MYOF: variants seen among roughly 807,000 people sequenced by gnomAD.
The protein encoded by MYOF is fer-1-like 3, myoferlin.
A neutral mutation model predicts 284.2 loss-of-function variants in MYOF; 244 were observed. The observed-to-expected ratio is 0.86, with a 90% CI of 0.77 to 0.95. MYOF has a LOEUF of 0.95. Ranked by LOEUF, MYOF falls within the 40% of genes least tolerant of loss-of-function variation. The pLI, the probability that MYOF is intolerant of heterozygous loss-of-function variation, is 0.00. For synonymous variants in MYOF, 904 were observed against 919.7 expected (o/e 0.98, Z 0.31); for missense variants, 2,496 against 2,560.6 (o/e 0.97, Z 0.54).
chr10:93,411,055 T>C (rs1847880177), intron 5 of MYOF, among the ~76,000 whole-genome samples: 2 of 152,242 alleles, frequency 1.3e-5, no homozygotes, highest in South Asian at 4.1e-4. Flanking sequence ...AGGGTTACTG[T>C]AAAGGTGTAA....
chr10:93,361,562 C>T lies in MYOF; in HGVS notation c.2869-5G>A. On this transcript the variant is annotated splice_polypyrimidine_tract_variant and splice_region_variant and intron_variant, in intron 27 of 53. Transcript: ENST00000359263. ...TGATGCTGCTTTATCGCCGTTCTTA[C>T]AAAACAAAAATAAAAACAAAGAAGA... 1 of 1,613,830 alleles carries T rather than the reference C, an allele frequency of 6.2e-7. No homozygotes were observed. The highest frequency in any genetic ancestry group is 8.5e-7 in the Non-Finnish European group (1 of 1,179,894).
intron 1 of MYOF, among the ~76,000 whole-genome samples, chr10:93,458,727 C>A (rs964270493): frequency 6.6e-6 from 1 of 152,124 alleles, no homozygotes; most frequent in Non-Finnish European, 1.5e-5. Flanking sequence ...GAGACTCAGT[C>A]TCAAAACAAA....
intron 41 of MYOF, among the ~76,000 whole-genome samples, chr10:93,334,677 A>C (rs942982824): frequency 6.6e-6 from 1 of 152,158 alleles, no homozygotes; most frequent in South Asian, 2.1e-4. Flanking sequence ...AGGAGAAAGC[A>C]CTGAAGCCGG....
chr10:93,349,776 G>T (rs369483150), intron 36 of MYOF, 32 bp downstream of exon 36: 4 of 1,610,548 alleles, frequency 2.5e-6, no homozygotes, highest in Non-Finnish European at 2.5e-6. Flanking sequence ...ATTTCAACGC[G>T]CATGGGTGAT....
intron 11 of MYOF, 130 bp from the exon 12 acceptor site, chr10:93,401,674 G>C: frequency 8.3e-7 from 1 of 1,211,124 alleles, no homozygotes; most frequent in Non-Finnish European, 1.1e-6. Flanking sequence ...GGGCTTAAGA[G>C]TTCAGCCTGC....
intron 23 of MYOF, 65 bp downstream of exon 23, chr10:93,374,698 T>C (rs1330156611): frequency 6.7e-7 from 1 of 1,497,720 alleles, no homozygotes; most frequent in Non-Finnish European, 9.1e-7. Flanking sequence ...CATCCTATTC[T>C]TGGTGCCATT....
intron 1 of MYOF, among the ~76,000 whole-genome samples, chr10:93,465,596 C>A (rs925315814): frequency 8.0e-5 from 11 of 138,156 alleles, no homozygotes; most frequent in Admixed American, 1.6e-4. Flanking sequence ...CTCACTGCAA[C>A]CTCCACCTCC....
chr10:93,359,807 C>G (rs760987519), intron 29 of MYOF, 26 bp downstream of exon 29: 2 of 1,613,454 alleles, frequency 1.2e-6, no homozygotes, highest in Admixed American at 3.3e-5. Context: ...CTCCCCAGTC[C>G]AGCTCCCTTC....
chr10:93,438,964 T>G (rs2056159996), intron 3 of MYOF, among the ~76,000 whole-genome samples: 1 of 152,136 alleles, frequency 6.6e-6, no homozygotes, highest in Non-Finnish European at 1.5e-5. Context: ...GTGTGGCTTT[T>G]TAAAAGGTAG....
chr10:93,475,674 G>A (rs538623505), intron 1 of MYOF, among the ~76,000 whole-genome samples: 16 of 152,288 alleles, frequency 1.1e-4, no homozygotes, highest in Non-Finnish European at 1.9e-4. Context: ...TGTGCTGGGT[G>A]TTGCAGAGGA....
At chr10:93,418,130 A>G (rs1276405201) in intron 5 of MYOF, among the ~76,000 whole-genome samples, 1 of 152,158 alleles carries the variant, frequency 6.6e-6, no homozygotes, top group Non-Finnish European at 1.5e-5. Context: ...TCTGCTTTTC[A>G]AGATGAAGTC....
At chr10:93,331,914 T>C (rs1843325926) in intron 43 of MYOF, among the ~76,000 whole-genome samples, 1 of 152,172 alleles carries the variant, frequency 6.6e-6, no homozygotes, top group Non-Finnish European at 1.5e-5. Flanking sequence ...AAAACATCAT[T>C]TTCACAAATG....
In MYOF at chr10:93,420,671, A is replaced by G. The variant is rs576465126; in HGVS notation, c.433+5400T>C. Among the ~76,000 whole-genome samples, 28 of 152,302 alleles carry G rather than the reference A, an allele frequency of 1.8e-4. No homozygotes were observed. The East Asian group carries it at 3.1e-3, about 17-fold the overall frequency. On this transcript the variant is annotated intron_variant, in intron 5 of 53. Coordinates refer to ENST00000359263, the MANE Select transcript of MYOF (RefSeq NM_013451.4). ...TAATTTCTCCTCTGCAGGAGCCACT[A>G]TGTGGAGAAGAACCTTTAAAATCAA...
At position 93,356,716 on chromosome 10, in the gene MYOF, T is replaced by A; in HGVS notation, c.3253A>T (p.Thr1085Ser). The change falls in exon 30 of 54, where the codon ACA becomes TCA. Residue 1085 changes from threonine to serine, a missense_variant. Thr to Ser is a moderately conservative substitution (Grantham distance 58). Transcript: ENST00000359263. ...RWRRKMAPSE[T>S]HGAAAIFKLE... Reference sequence around the variant, plus strand: ...TTAAAGATGGCAGCTGCACCATGTGTTTCTGAAGGAGCCATTTTTCTCCTC... The same window carrying A: ...TTAAAGATGGCAGCTGCACCATGTGATTCTGAAGGAGCCATTTTTCTCCTC... The A allele has an allele frequency of 6.2e-7, 1 of 1,614,140 alleles. No individual in the cohort carries two copies. The highest frequency in any genetic ancestry group is 1.1e-5 in the South Asian group (1 of 91,076).
chr10:93,411,026 AAAT>A, intron 5 of MYOF, among the ~76,000 whole-genome samples: 1 of 152,220 alleles, frequency 6.6e-6, no homozygotes, highest in East Asian at 1.9e-4. Context: ...AAAGAGGGGA[AAAT>A]AATAGTATTT....
chr10:93,346,863 C>T (rs1201057476), intron 37 of MYOF, among the ~76,000 whole-genome samples: 4 of 152,162 alleles, frequency 2.6e-5, no homozygotes, highest in African/African-American at 7.2e-5. Context: ...TAGAACAGCA[C>T]GTGGCAGTCA....
intron 3 of MYOF, among the ~76,000 whole-genome samples, chr10:93,433,793 C>T (rs567194197): frequency 7.9e-4 from 121 of 152,326 alleles, no homozygotes; most frequent in African/African-American, 2.8e-3. Flanking sequence ...CACATGGCAG[C>T]ATAGGCACAT....
At chr10:93,458,704 T>C (rs1351911830) in intron 1 of MYOF, among the ~76,000 whole-genome samples, 1 of 152,180 alleles carries the variant, frequency 6.6e-6, no homozygotes, top group East Asian at 1.9e-4. Flanking sequence ...CACTCCAGCC[T>C]AAAGGATAGA....
chr10:93,408,897 C>T lies in MYOF; in HGVS notation c.619G>A (p.Glu207Lys). 6.2e-7 allele frequency: 1 copy of T among 1,614,218 alleles called. No individual in the cohort carries two copies. Among genetic ancestry groups the T allele is most frequent in the Non-Finnish European group, 8.5e-7 (1 of 1,180,042 alleles). The change falls in exon 7 of 54, where the codon GAG becomes AAG. Residue 207 changes from glutamate to lysine, a missense_variant. By Grantham distance (56) the Glu-to-Lys change is moderately conservative (BLOSUM62 1). Coordinates refer to ENST00000359263, the MANE Select transcript of MYOF (RefSeq NM_013451.4). ...TTGTTACCACTTAACTGTCGGCCCT[C>T]AATCACTCGGACGCGGATCTGCAGC... The part of the protein sequence containing the change: ...QDFQIRVRVI[E>K]GRQLSGNNIR...
Sources: gnomAD v4.1 joint callset for allele counts (sites outside exome capture counted in the v4.1 genomes callset) on GRCh38, gnomAD v4.1.1 for gene constraint, MANE v1.5 for transcripts, NCBI Gene and HGNC (gene_info 2026-07-23, HGNC 2026-07-21) for gene names.